Variants in TRIP12 observed in about 807,000 individuals in gnomAD.
TRIP12 encodes E3 ubiquitin-protein ligase TRIP12.
TRIP12 carries 25 observed loss-of-function variants against 244.2 expected under a neutral mutation model. The ratio of observed to expected loss-of-function variants is 0.10; its 90% CI spans 0.07 to 0.14. The LOEUF is 0.14. Among genes scored for constraint, TRIP12 ranks in the 10% least tolerant of loss-of-function variants. The pLI, the probability that TRIP12 is intolerant of heterozygous loss-of-function variation, is 1.00. For synonymous variants in TRIP12, 905 were observed against 873.1 expected (o/e 1.04, Z -0.64); for missense variants, 1,677 against 2,486.4 (o/e 0.67, Z 6.92).
intron 31 of TRIP12, 24 bp downstream of exon 31, chr2:229,789,587 T>A: frequency 6.2e-7 from 1 of 1,604,106 alleles, no homozygotes; most frequent in East Asian, 2.2e-5. Context: ...CATGAAAACT[T>A]CATAAATAGG....
Position 229,813,933 on chromosome 2 carries a change from C to A in TRIP12, c.1923G>T (p.Thr641=). 1.9e-6 allele frequency: 3 copies of A among 1,598,112 alleles called. No individual in the cohort carries two copies. Among genetic ancestry groups the A allele is most frequent in the Middle Eastern group, 1.7e-4 (1 of 6,000 alleles). The change falls in exon 13 of 42, where the codon ACG becomes ACT. Residue 641 remains threonine, a synonymous_variant. Coordinates refer to ENST00000675903, the MANE Select transcript of TRIP12 (RefSeq NM_001348323.3). ...AIAANCCQSI[T]PDEFHFVADS... ...CTGCCACAAAATGAAATTCATCTGG[C>A]GTGATACTCTGGCAGCAATTAGCTG...
At chr2:229,878,836 C>A (rs1382782395) in intron 2 of TRIP12, among the ~76,000 whole-genome samples, 1 of 151,930 alleles carries the variant, frequency 6.6e-6, no homozygotes, top group African/African-American at 2.4e-5. Context: ...CCCACCTTGG[C>A]CTCCCAAAGT....
intron 25 of TRIP12, among the ~76,000 whole-genome samples, chr2:229,795,826 T>C (rs1401867691): frequency 6.6e-6 from 1 of 152,214 alleles, no homozygotes. Flanking sequence ...CATAATACTG[T>C]CACGCTTCTA....
chr2:229,783,509 C>T (rs2038967251), intron 34 of TRIP12, among the ~76,000 whole-genome samples: 1 of 152,134 alleles, frequency 6.6e-6, no homozygotes, highest in African/African-American at 2.4e-5. Flanking sequence ...CAACAAACAA[C>T]TGAAAATGAA....
At chr2:229,865,563 T>C (rs1180448527) in intron 2 of TRIP12, among the ~76,000 whole-genome samples, 1 of 151,982 alleles carries the variant, frequency 6.6e-6, no homozygotes, top group Non-Finnish European at 1.5e-5. Context: ...TATACATGCA[T>C]ATATTACCAA....
In TRIP12 at chr2:229,797,762, A is replaced by G; in HGVS notation, c.3552T>C (p.Asn1184=). 1 of 1,614,074 alleles carries G rather than the reference A, an allele frequency of 6.2e-7. No individual in the cohort carries two copies. The highest frequency in any genetic ancestry group is 8.5e-7 in the Non-Finnish European group (1 of 1,179,954). The change falls in exon 24 of 42, where the codon AAT becomes AAC. Residue 1184 remains asparagine, a synonymous_variant. Transcript: ENST00000675903. ...TCAATGCAGGGTTGCTTCCATCCAT[A>G]TTCTCAGAACTGAAATAACGTTCTA... ...KFVERYFSSE[N]MDGSNPALNV... is the part of the protein sequence containing the mutation.
chr2:229,800,012 C>A (rs969461232), intron 21 of TRIP12, among the ~76,000 whole-genome samples: 1 of 152,014 alleles, frequency 6.6e-6, no homozygotes, highest in South Asian at 2.1e-4. Flanking sequence ...ATATGCAACA[C>A]AAAGGAGCAA....
Position 229,841,860 on chromosome 2 carries a change from C to G in TRIP12, c.1028-933G>C, listed in dbSNP as rs1184632333. On this transcript the variant is annotated intron_variant, in intron 4 of 41. Coordinates refer to ENST00000675903, the MANE Select transcript of TRIP12 (RefSeq NM_001348323.3). Reference sequence around the variant, plus strand: ...AAAGGGGAAAAACAATTCTTTACTCCTTTGTGGAAAAGCAGCAGTAAAAGA... The same window carrying G: ...AAAGGGGAAAAACAATTCTTTACTCGTTTGTGGAAAAGCAGCAGTAAAAGA... Among the ~76,000 whole-genome samples, 3 of 152,060 alleles carry G rather than the reference C, an allele frequency of 2.0e-5. No homozygotes were observed. In the East Asian group the frequency reaches 5.8e-4, roughly 29 times the overall value.
chr2:229,774,059 T>C (rs1005287947), intron 38 of TRIP12, 38 bp downstream of exon 38: 17 of 1,595,358 alleles, frequency 1.1e-5, no homozygotes, highest in Non-Finnish European at 1.5e-5. Context: ...TCCTCCGTCT[T>C]CACAACTGGC....
rs2040979126 is a variant in TRIP12, at chr2:229,789,822, G to A, written c.4544-60C>T. On this transcript the variant is annotated intron_variant, in intron 30 of 41. Transcript: ENST00000675903. ...AAGTTAGAAAGGCTAAGCCAGTGCAGCCAAGGTCCTATCATCGCTAAAAGA... is the reference window on the plus strand; with the variant it reads ...AAGTTAGAAAGGCTAAGCCAGTGCAACCAAGGTCCTATCATCGCTAAAAGA... The A allele has an allele frequency of 5.7e-6, 9 of 1,575,756 alleles. No individual in the cohort carries two copies. In the Admixed American group the frequency reaches 8.7e-5, roughly 15 times the overall value.
intron 1 of TRIP12, among the ~76,000 whole-genome samples, chr2:229,903,383 A>G (rs182077754): frequency 5.4e-4 from 82 of 152,262 alleles, no homozygotes; most frequent in Non-Finnish European, 2.8e-4. Context: ...AAATGTTCCT[A>G]TCAGAAAAAG....
intron 1 of TRIP12, among the ~76,000 whole-genome samples, chr2:229,889,215 A>C (rs1199537221): frequency 1.3e-5 from 2 of 152,214 alleles, no homozygotes; most frequent in Non-Finnish European, 2.9e-5. Flanking sequence ...AACTTGTTGA[A>C]TCTGTGATTA....
At chr2:229,851,134 G>C (rs549923771) in intron 4 of TRIP12, among the ~76,000 whole-genome samples, 1 of 152,252 alleles carries the variant, frequency 6.6e-6, no homozygotes, top group Non-Finnish European at 1.5e-5. Flanking sequence ...GCAGCTCCAC[G>C]TGCAGCCCCG....
chr2:229,798,803 G>A (rs1366713127), intron 23 of TRIP12, 72 bp downstream of exon 23: 28 of 1,517,948 alleles, frequency 1.8e-5, no homozygotes, highest in Admixed American at 3.7e-5. Context: ...CACAATAAAC[G>A]TACTGGCTGA....
chr2:229,831,440 A>G (rs2053339251), intron 6 of TRIP12, among the ~76,000 whole-genome samples: 1 of 152,218 alleles, frequency 6.6e-6, no homozygotes, highest in Non-Finnish European at 1.5e-5. Context: ...TTTGCGGACC[A>G]TGGCAGAAGG....
chr2:229,915,744 A>G (rs1259604007), intron 1 of TRIP12, among the ~76,000 whole-genome samples: 1 of 152,132 alleles, frequency 6.6e-6, no homozygotes, highest in East Asian at 1.9e-4. Flanking sequence ...CCCAGGCTGG[A>G]GTGCAGTGGC....
intron 39 of TRIP12, among the ~76,000 whole-genome samples, chr2:229,770,795 C>T (rs2033975160): frequency 6.6e-6 from 1 of 152,158 alleles, no homozygotes; most frequent in Admixed American, 6.5e-5. Context: ...GAATATGTCT[C>T]ACGAGATCTG....
At chr2:229,912,965 G>A (rs2154378822) in intron 1 of TRIP12, among the ~76,000 whole-genome samples, 1 of 152,174 alleles carries the variant, frequency 6.6e-6, no homozygotes, top group South Asian at 2.1e-4. Flanking sequence ...CTGGGTTCAA[G>A]CAATCCTCCC....
chr2:229,796,988 G>A (rs2042975280), intron 24 of TRIP12, among the ~76,000 whole-genome samples: 1 of 151,822 alleles, frequency 6.6e-6, no homozygotes. Flanking sequence ...GGAAAACCAG[G>A]AATCCATAAT....
Sources: gnomAD v4.1 joint callset for allele counts (sites outside exome capture counted in the v4.1 genomes callset) on GRCh38, gnomAD v4.1.1 for gene constraint, MANE v1.5 for transcripts, NCBI Gene and HGNC (gene_info 2026-07-23, HGNC 2026-07-21) for gene names.